The following VPS37A variants were observed in gnomAD, a reference collection of about 807,000 sequenced individuals.
VPS37A encodes VPS37A subunit of ESCRT-I.
In VPS37A, 30 loss-of-function variants were observed where a neutral mutation model predicts 49.8. That is an observed-to-expected ratio of 0.60 (90% CI 0.45 to 0.82). The LOEUF (loss-of-function observed/expected upper bound fraction) is 0.82. VPS37A is among the 40% of genes least tolerant of loss of function. The pLI, the probability that VPS37A is intolerant of heterozygous loss-of-function variation, is 0.00. For missense variants in VPS37A, 593 were observed against 464.4 expected, an observed-to-expected ratio of 1.28 and a Z score of -2.55; for synonymous variants, 195 against 160.6, an observed-to-expected ratio of 1.21 and a Z score of -1.62.
At chr8:17,322,344 G>A in the VPS37A span, among the ~76,000 whole-genome samples, 1 of 152,096 alleles carries the variant, frequency 6.6e-6, no homozygotes, top group Non-Finnish European at 1.5e-5. Context: ...ATTTACCAAT[G>A]GCCTAAAGAA....
At chr8:17,260,673 T>C (rs1285194193) in intron 1 of VPS37A, among the ~76,000 whole-genome samples, 2 of 152,230 alleles carry the variant, frequency 1.3e-5, no homozygotes, top group East Asian at 1.9e-4. Context: ...TTTATTTATG[T>C]GGGAAAGACT....
chr8:17,300,092 T>A, downstream of VPS37A: 1 of 1,614,166 alleles, frequency 6.2e-7, no homozygotes, highest in Non-Finnish European at 8.5e-7. Flanking sequence ...GATTTCATAT[T>A]CCCACTGTAA....
chr8:17,324,284 T>C, the VPS37A span, among the ~76,000 whole-genome samples: 1 of 152,218 alleles, frequency 6.6e-6, no homozygotes. Flanking sequence ...CTGCGATAAA[T>C]GTCCCGGCTC....
chr8:17,331,426 T>C, the VPS37A span: 38 of 828,282 alleles, frequency 4.6e-5, no homozygotes, highest in East Asian at 1.4e-4. Context: ...CACTGCAACC[T>C]TGTACTGAAC....
chr8:17,256,415 G>A (rs1009819844), intron 1 of VPS37A, among the ~76,000 whole-genome samples: 5 of 148,896 alleles, frequency 3.4e-5, no homozygotes, highest in South Asian at 4.2e-4. Context: ...GTTTACAGGC[G>A]CACACCACCA....
At chr8:17,311,915 A>G in the VPS37A span, 2 of 327,204 alleles carry the variant, frequency 6.1e-6, no homozygotes, top group Non-Finnish European at 1.1e-5. Flanking sequence ...GTCCTATGCA[A>G]ACGGACCTTC....
the VPS37A span, chr8:17,311,649 C>G: frequency 1.6e-4 from 251 of 1,613,780 alleles, no homozygotes; most frequent in Non-Finnish European, 1.3e-4. Flanking sequence ...AGAAAACACA[C>G]GATCCGCAAA....
At chr8:17,320,593 CTTCCTGTGAA>C in the VPS37A span, among the ~76,000 whole-genome samples, 413 of 152,250 alleles carry the variant, frequency 2.7e-3, 3 homozygotes, top group Non-Finnish European at 1.1e-3. Context: ...TTCAAAAAGT[CTTCCTGTGAA>C]TTCAGGGGTG....
chr8:17,318,325 GGAGTCCA>G, the VPS37A span, among the ~76,000 whole-genome samples: 1 of 152,078 alleles, frequency 6.6e-6, no homozygotes, highest in East Asian at 1.9e-4. Flanking sequence ...ACAGTTCTGT[GGAGTCCA>G]CAGAAAAAGC....
At chr8:17,327,295 G>A in the VPS37A span, among the ~76,000 whole-genome samples, 26 of 152,172 alleles carry the variant, frequency 1.7e-4, no homozygotes, top group African/African-American at 6.3e-4. Context: ...TTGAGACAGA[G>A]CCTAACTCTC....
downstream of VPS37A, among the ~76,000 whole-genome samples, chr8:17,303,430 G>T (rs569644056): frequency 1.3e-5 from 2 of 152,288 alleles, no homozygotes; most frequent in South Asian, 4.1e-4. Flanking sequence ...TGAGTAGGAA[G>T]AAAGAGATGG....
At chr8:17,300,012 T>C, downstream of VPS37A, 1 of 1,614,128 alleles carries the variant, frequency 6.2e-7, no homozygotes, top group Non-Finnish European at 8.5e-7. Context: ...GATCTGAACT[T>C]TTCAGATTGT....
chr8:17,307,328 A>G (rs1817518205), downstream of VPS37A, among the ~76,000 whole-genome samples: 1 of 152,236 alleles, frequency 6.6e-6, no homozygotes, highest in African/African-American at 2.4e-5. Flanking sequence ...AATCAAAACC[A>G]CAATGATACA....
At chr8:17,303,722 G>A (rs182683114), downstream of VPS37A, among the ~76,000 whole-genome samples, 143 of 151,530 alleles carry the variant, frequency 9.4e-4, no homozygotes, top group Admixed American at 2.8e-3. Flanking sequence ...TGATTCTCCT[G>A]TCTCAGCCTC....
At chr8:17,304,746 CGTGTGTGT>C (rs10527892), downstream of VPS37A, among the ~76,000 whole-genome samples, 43 of 147,086 alleles carry the variant, frequency 2.9e-4, 1 homozygote, top group East Asian at 5.8e-3. Context: ...GTGTTCGATT[CGTGTGTGT>C]GTGTGTGTGT....
In VPS37A at chr8:17,247,055, C is replaced by G; in HGVS notation, c.-190C>G. The stretch of plus-strand genomic sequence containing the variant: ...CCGCAAGTTTCCCTCTCCAGCCGCC[C>G]GCCGTTCGTAGCATGTCCCCCAGAA... On this transcript the variant is annotated 5_prime_UTR_variant, in exon 1 of 12. Coordinates refer to ENST00000324849, the MANE Select transcript of VPS37A (RefSeq NM_152415.3). The G allele has an allele frequency of 1.4e-6, 1 of 719,160 alleles. No individual in the cohort carries two copies. Among genetic ancestry groups the G allele is most frequent in the South Asian group, 1.9e-5 (1 of 53,430 alleles). 44.5% of individuals were successfully genotyped at this position (719,160 alleles called of 1,614,324 possible). A position where few individuals can be genotyped will look rare whatever the true frequency, so the allele number is the denominator to read the frequency against.
rs1222514652 is a variant in VPS37A, at chr8:17,276,476, G to A, written c.713+9G>A. 1 of 1,603,966 alleles carries A rather than the reference G, an allele frequency of 6.2e-7. No homozygotes were observed. The highest frequency in any genetic ancestry group is 8.5e-7 in the Non-Finnish European group (1 of 1,175,520). ...GAACTCTCAGAACTAAGGTAAACCTGGAAAGTAAAGTTGGTCACATTGTCT... is the reference window on the plus strand; with the variant it reads ...GAACTCTCAGAACTAAGGTAAACCTAGAAAGTAAAGTTGGTCACATTGTCT... On this transcript the variant is annotated intron_variant, in intron 6 of 11. Transcript: ENST00000324849.
At chr8:17,269,709 GC>G (rs1353929677) in intron 4 of VPS37A, among the ~76,000 whole-genome samples, 3 of 151,882 alleles carry the variant, frequency 2.0e-5, no homozygotes, top group African/African-American at 7.3e-5. Flanking sequence ...TTTTCCCTTT[GC>G]CACTTTCTTG....
At chr8:17,309,304 A>C in the VPS37A span, 1 of 1,568,918 alleles carries the variant, frequency 6.4e-7, no homozygotes, top group Non-Finnish European at 8.8e-7. Flanking sequence ...ACCAAAGGAA[A>C]TCCAGTCCTT....
Sources: gnomAD v4.1 joint callset for allele counts (sites outside exome capture counted in the v4.1 genomes callset) on GRCh38, gnomAD v4.1.1 for gene constraint, MANE v1.5 for transcripts, NCBI Gene and HGNC (gene_info 2026-07-23, HGNC 2026-07-21) for gene names.